Variants in SLC22A12 observed in about 807,000 individuals in gnomAD.
SLC22A12 encodes organic anion transporter 4-like protein.
Under a neutral mutation model 52.7 loss-of-function variants are expected in SLC22A12, and 56 were observed. The observed-to-expected ratio is 1.06, with a 90% confidence interval of 0.86 to 1.33. The LOEUF is 1.33. SLC22A12 is among the 40% of genes most tolerant of loss of function. The pLI is 0.00. For synonymous variants in SLC22A12, 337 were observed against 324.6 expected, an observed-to-expected ratio of 1.04 and a Z score of -0.41; for missense variants, 683 against 741.5, an observed-to-expected ratio of 0.92 and a Z score of 0.92.
At position 64,591,338 on chromosome 11, in the gene SLC22A12, C is replaced by CTG. The variant is rs2038910531; in HGVS notation, c.-219_-218insTG. The CTG allele has an allele frequency of 2.6e-5, 16 of 615,020 alleles. No homozygotes were observed. In the Admixed American group the frequency reaches 4.8e-4, roughly 18 times the overall value. The allele number at this position is 615,020 out of a possible 1,614,324, so 38.1% of individuals were successfully genotyped here. On this transcript the variant is annotated 5_prime_UTR_variant, in exon 1 of 10. It removes the in-frame stop codon of an upstream open reading frame in the 5' UTR. Coordinates refer to ENST00000377574, the MANE Select transcript of SLC22A12 (RefSeq NM_144585.4). ...CTGGAGGTCTCGGAATCACCTCACGCGGCCTCAGGGCCCAGTTGGAGCCAC... is the reference window on the plus strand; with the variant it reads ...CTGGAGGTCTCGGAATCACCTCACGCTGGGCCTCAGGGCCCAGTTGGAGCCAC...
At chr11:64,593,607 A>G in intron 3 of SLC22A12, 28 bp from the exon 4 acceptor site, 2 of 1,614,174 alleles carry the variant, frequency 1.2e-6, no homozygotes, top group African/African-American at 2.7e-5. Context: ...TGCAGGCTCC[A>G]GGGCTGAACC....
chr11:64,598,823 A>T lies in SLC22A12; in HGVS notation c.970A>T (p.Met324Leu). ...GCCTCCACAGGTCTTGCTTTCAGCC[A>T]TGCGGGAGGAGCTGAGCATGGGCCA... ...TLTPEVLLSA[M>L]REELSMGQPP... The change falls in exon 6 of 10, where the codon ATG becomes TTG. Residue 324 changes from methionine to leucine, a missense_variant. Met to Leu is a conservative substitution (Grantham distance 15, BLOSUM62 2). Transcript: ENST00000377574. The T allele has an allele frequency of 6.2e-7, 1 of 1,612,560 alleles. No individual in the cohort carries two copies.
chr11:64,592,857 G>T lies in SLC22A12; in HGVS notation c.481G>T (p.Ala161Ser). The T allele has an allele frequency of 1.2e-6, 2 of 1,613,820 alleles. No individual in the cohort carries two copies. Among genetic ancestry groups the T allele is most frequent in the Non-Finnish European group, 1.7e-6 (2 of 1,180,010 alleles). ...CCTGGCTGGGATTCTGGTGGGAGCT[G>T]CTGCGTGCGGCCCTGCCTCAGACAG... is the stretch of plus-strand genomic sequence containing the variant. Reference protein sequence around the residue: ...IYLAGILVGAAACGPASDRFG... With the variant: ...IYLAGILVGASACGPASDRFG... The change falls in exon 2 of 10, where the codon GCT (alanine) becomes TCT (serine). Residue 161 changes from alanine to serine, a missense_variant. Ala to Ser is a moderately conservative substitution (Grantham distance 99). Coordinates refer to ENST00000377574, the MANE Select transcript of SLC22A12 (RefSeq NM_144585.4).
In SLC22A12 at chr11:64,602,034, T is replaced by C; in HGVS notation, c.*483T>C. 1 of 234,276 alleles carries C rather than the reference T, an allele frequency of 4.3e-6. No homozygotes were observed. The highest frequency in any genetic ancestry group is 8.5e-6 in the Non-Finnish European group (1 of 117,580). 14.5% of individuals were successfully genotyped at this position (234,276 alleles called of 1,614,324 possible). On this transcript the variant is annotated 3_prime_UTR_variant, in exon 10 of 10. Transcript: ENST00000377574. ...CCCTGTAAGCCTGGCCCCTGGCCCCTCCCCATGTCCCTCCAGGCCTCAGCC... is the reference window on the plus strand; with the variant it reads ...CCCTGTAAGCCTGGCCCCTGGCCCCCCCCCATGTCCCTCCAGGCCTCAGCC...
Position 64,591,723 on chromosome 11 carries a change from A to G in SLC22A12, c.167A>G (p.Asn56Ser), listed in dbSNP as rs569320338. The change falls in exon 1 of 10, where the codon AAC becomes AGC. Residue 56 changes from asparagine to serine, a missense_variant. Asn to Ser is a conservative substitution (Grantham distance 46). Coordinates refer to ENST00000377574, the MANE Select transcript of SLC22A12 (RefSeq NM_144585.4). Reference sequence around the variant, plus strand: ...CGCTGCTGGGCACCCCTCCTGGACAACAGCACGGCTCAGGCCAGCATCCTA... The same window carrying G: ...CGCTGCTGGGCACCCCTCCTGGACAGCAGCACGGCTCAGGCCAGCATCCTA... ...SHRCWAPLLD[N>S]STAQASILGS... 1 of 1,612,638 alleles carries G rather than the reference A, an allele frequency of 6.2e-7. No individual in the cohort carries two copies. The highest frequency in any genetic ancestry group is 1.3e-5 in the African/African-American group (1 of 75,012).
In SLC22A12 at chr11:64,591,794, G is replaced by T; in HGVS notation, c.238G>T (p.Gly80Cys). The T allele has an allele frequency of 6.2e-7, 1 of 1,612,444 alleles. No individual in the cohort carries two copies. Among genetic ancestry groups the T allele is most frequent in the Non-Finnish European group, 8.5e-7 (1 of 1,179,988 alleles). Residue 80 changes from glycine (G) to cysteine (C), a missense_variant, in exon 1 of 10, where the codon GGC becomes TGC. Coordinates refer to ENST00000377574, the MANE Select transcript of SLC22A12 (RefSeq NM_144585.4). ...EALLAISIPP[G>C]PNQRPHQCRR... ...CCTCCTGGCTATTTCCATCCCGCCG[G>T]GCCCCAACCAGAGGCCCCACCAGTG...
chr11:64,601,366 C>A (rs2039449244), intron 9 of SLC22A12, 122 bp from the exon 10 acceptor site: 4 of 970,366 alleles, frequency 4.1e-6, no homozygotes, highest in Admixed American at 4.0e-5. Flanking sequence ...TGCTCGGGAG[C>A]TCAGTTCTGG....
chr11:64,593,802 T>C lies in SLC22A12; in HGVS notation c.829T>C (p.Trp277Arg), dbSNP rs139316841. ...VPFFLCFLYS[W>R]WLAESARWLL... ...CTTCTTCCTCTGCTTTTTGTACTCC[T>C]GGTGGGTGCTGTGCCCCACTCCCCT... Residue 277 changes from tryptophan (W) to arginine (R), a missense_variant and splice_region_variant, in exon 4 of 10, where the codon TGG (tryptophan) becomes CGG (arginine). By Grantham distance (101) the Trp-to-Arg change is moderately radical (BLOSUM62 -3). Coordinates refer to ENST00000377574, the MANE Select transcript of SLC22A12 (RefSeq NM_144585.4). The C allele has an allele frequency of 6.2e-6, 10 of 1,603,650 alleles. No homozygotes were observed. Among genetic ancestry groups the C allele is most frequent in the Middle Eastern group, 1.6e-4 (1 of 6,082 alleles).
intron 4 of SLC22A12, among the ~76,000 whole-genome samples, chr11:64,596,567 A>C (rs548672070): frequency 6.6e-6 from 1 of 152,316 alleles, no homozygotes; most frequent in Non-Finnish European, 1.5e-5. Flanking sequence ...AAAGGAGCAC[A>C]GCAGAGGCCC....
intron 4 of SLC22A12, among the ~76,000 whole-genome samples, chr11:64,595,239 T>TGGAC (rs2039103893): frequency 8.7e-6 from 1 of 114,770 alleles, no homozygotes; most frequent in South Asian, 3.1e-4. Context: ...GATGGATGGA[T>TGGAC]GGATGGATGG....
chr11:64,595,856 GATAGTTGAATGGATGGA>G (rs1565137028), intron 4 of SLC22A12, among the ~76,000 whole-genome samples: 23 of 150,716 alleles, frequency 1.5e-4, no homozygotes, highest in East Asian at 4.0e-4. Flanking sequence ...TGGATGGATG[GATAGTTGAATGGATGGA>G]ATGGATGGAT....
Position 64,592,991 on chromosome 11 carries a change from C to T in SLC22A12, c.506+109C>T, listed in dbSNP as rs568740546. 1.4e-4 allele frequency: 143 copies of T among 1,017,172 alleles called. 1 individual carries two copies. Among genetic ancestry groups the T allele is most frequent in the Middle Eastern group, 4.9e-4 (2 of 4,100 alleles). The allele number at this position is 1,017,172 out of a possible 1,614,324, so 63.0% of individuals were successfully genotyped here. ...GCCTCACAAAACCAAGTCTAGAAAG[C>T]GCCCTACTTGCTGGGTGTGGGTCTC... is the stretch of plus-strand genomic sequence containing the variant. On this transcript the variant is annotated intron_variant, in intron 2 of 9. Transcript: ENST00000377574.
In SLC22A12 at chr11:64,602,076, C is replaced by T; in HGVS notation, c.*525C>T. On this transcript the variant is annotated 3_prime_UTR_variant, in exon 10 of 10. Coordinates refer to ENST00000377574, the MANE Select transcript of SLC22A12 (RefSeq NM_144585.4). ...GCCTCAGCCACCTGCCCGCCACATC[C>T]TCTGCCTGCTGTCCCCTTCCCACCC... The T allele has an allele frequency of 4.9e-6, 1 of 205,884 alleles. No individual in the cohort carries two copies. The highest frequency in any genetic ancestry group is 9.9e-6 in the Non-Finnish European group (1 of 100,634). The allele number at this position is 205,884 out of a possible 1,614,324, so 12.8% of individuals were successfully genotyped here. A position where few individuals can be genotyped will look rare whatever the true frequency, so the allele number is the denominator to read the frequency against.
At chr11:64,597,912 G>C (rs564547720) in intron 4 of SLC22A12, among the ~76,000 whole-genome samples, 22 of 152,172 alleles carry the variant, frequency 1.4e-4, no homozygotes, top group African/African-American at 4.8e-4. Context: ...TCAGGTGCGA[G>C]GGGTCCTGGA....
intron 1 of SLC22A12, 93 bp downstream of exon 1, chr11:64,592,051 G>C (rs1201255462): frequency 6.5e-7 from 1 of 1,534,786 alleles, no homozygotes; most frequent in Non-Finnish European, 8.7e-7. Flanking sequence ...GTCCTGGGAG[G>C]GACCCACCTC....
Position 64,601,789 on chromosome 11 carries a change from AC to A in SLC22A12, c.*240del. 1.9e-6 allele frequency: 1 copy of A among 514,570 alleles called. No individual in the cohort carries two copies. The allele number at this position is 514,570 out of a possible 1,614,324, so 31.9% of individuals were successfully genotyped here. On this transcript the variant is annotated 3_prime_UTR_variant, in exon 10 of 10. Transcript: ENST00000377574. The stretch of plus-strand genomic sequence containing the variant: ...TGATTGGCAGGAGGTGACCCAGTGC[AC>A]CATCACCCTGCCCTGCCCTCGTGGC...
At chr11:64,599,443 T>C (rs1384701636) in intron 6 of SLC22A12, among the ~76,000 whole-genome samples, 1 of 152,072 alleles carries the variant, frequency 6.6e-6, no homozygotes, top group Non-Finnish European at 1.5e-5. Flanking sequence ...TCCAACCTCT[T>C]GCCAGCACCT....
At chr11:64,592,259 G>A (rs1207839102) in intron 1 of SLC22A12, among the ~76,000 whole-genome samples, 10 of 152,164 alleles carry the variant, frequency 6.6e-5, no homozygotes, top group Admixed American at 3.3e-4. Flanking sequence ...CCTGTCAGCC[G>A]TGACTCCAGG....
At chr11:64,597,344 C>T (rs1463257195) in intron 4 of SLC22A12, among the ~76,000 whole-genome samples, 1 of 152,134 alleles carries the variant, frequency 6.6e-6, no homozygotes, top group Non-Finnish European at 1.5e-5. Flanking sequence ...TCCACTTGGT[C>T]CTGCCTCCCC....
Sources: gnomAD v4.1 joint callset for allele counts (sites outside exome capture counted in the v4.1 genomes callset) on GRCh38, gnomAD v4.1.1 for gene constraint, MANE v1.5 for transcripts, NCBI Gene and HGNC (gene_info 2026-07-23, HGNC 2026-07-21) for gene names.